The following BCR variants were observed in gnomAD, a reference collection of about 807,000 sequenced individuals.
BCR encodes BCR activator of RhoGEF and GTPase, also known as breakpoint cluster region protein.
BCR carries 58 observed loss-of-function variants against 138.6 expected under a neutral mutation model. The ratio of observed to expected loss-of-function variants is 0.42; its 90% CI spans 0.34 to 0.52. The LOEUF is 0.52. Ranked by LOEUF, BCR falls within the 20% of genes least tolerant of loss-of-function variation. The pLI is 0.06. For synonymous variants in BCR, 786 were observed against 730.1 expected (o/e 1.08, Z -1.23); for missense variants, 1,599 against 1,727.2 (o/e 0.93, Z 1.32).
chr22:23,219,507 G>A (rs2072797891), intron 1 of BCR, among the ~76,000 whole-genome samples: 2 of 152,144 alleles, frequency 1.3e-5, no homozygotes, highest in Admixed American at 1.3e-4. Flanking sequence ...CTATTGCATG[G>A]CCAGATTCAT....
chr22:23,209,086 G>A (rs188969873), intron 1 of BCR, among the ~76,000 whole-genome samples: 12 of 151,954 alleles, frequency 7.9e-5, no homozygotes, highest in East Asian at 5.9e-4. Context: ...TTAGCCGGGC[G>A]CGGTGGCTCA....
At chr22:23,192,847 TAC>T (rs2072432153) in intron 1 of BCR, among the ~76,000 whole-genome samples, 1 of 152,106 alleles carries the variant, frequency 6.6e-6, no homozygotes, top group South Asian at 2.1e-4. Flanking sequence ...GTAGCGGAGA[TAC>T]ACAGAGGTAG....
chr22:23,227,115 C>T (rs939614967), intron 1 of BCR, among the ~76,000 whole-genome samples: 4 of 152,056 alleles, frequency 2.6e-5, no homozygotes, highest in African/African-American at 7.3e-5. Context: ...CCTGACAAGC[C>T]GAATGATTGA....
chr22:23,241,082 G>C (rs1344923502), intron 1 of BCR, among the ~76,000 whole-genome samples: 2 of 152,212 alleles, frequency 1.3e-5, no homozygotes, highest in Non-Finnish European at 2.9e-5. Context: ...CTCATGCATT[G>C]ATGGATGCTA....
In BCR at chr22:23,287,151, C is replaced by T; in HGVS notation, c.2407-8C>T. ...ATGGGAAGGTGAGGCTGTGGCATCT[C>T]CCCACAGAGGGCGAACAAGGGCAGC... On this transcript the variant is annotated splice_region_variant and splice_polypyrimidine_tract_variant and intron_variant, in intron 10 of 22. Transcript: ENST00000305877. 2 of 1,576,308 alleles carry T rather than the reference C, an allele frequency of 1.3e-6. No homozygotes were observed. The highest frequency in any genetic ancestry group is 1.7e-6 in the Non-Finnish European group (2 of 1,160,280).
intron 1 of BCR, among the ~76,000 whole-genome samples, chr22:23,246,341 G>A (rs2073156677): frequency 6.6e-6 from 1 of 152,220 alleles, no homozygotes; most frequent in African/African-American, 2.4e-5. Flanking sequence ...GCTCAGGCAG[G>A]AGATCACGTG....
intron 1 of BCR, chr22:23,242,953 C>T (rs1405312830): frequency 1.6e-5 from 7 of 450,640 alleles, no homozygotes; most frequent in South Asian, 1.1e-4. Flanking sequence ...CAACATCTCT[C>T]CAGTCCCTGC....
At chr22:23,231,237 T>C (rs986148541) in intron 1 of BCR, among the ~76,000 whole-genome samples, 1 of 152,072 alleles carries the variant, frequency 6.6e-6, no homozygotes, top group African/African-American at 2.4e-5. Flanking sequence ...GACCAGGGCA[T>C]GGTGGCTTGC....
At chr22:23,276,563 G>A (rs563590904) in intron 8 of BCR, among the ~76,000 whole-genome samples, 3 of 152,332 alleles carry the variant, frequency 2.0e-5, no homozygotes, top group Admixed American at 2.0e-4. Flanking sequence ...AATGACTCTA[G>A]AAAAGTCACC....
At chr22:23,280,051 G>C (rs2073625566) in intron 8 of BCR, among the ~76,000 whole-genome samples, 1 of 150,482 alleles carries the variant, frequency 6.6e-6, no homozygotes. Flanking sequence ...CCATCACATG[G>C]ATTCCACCGC....
Position 23,260,811 on chromosome 22 carries a change from C to T in BCR, c.1462-139C>T, listed in dbSNP as rs975413358. On this transcript the variant is annotated intron_variant, in intron 2 of 22. Transcript: ENST00000305877. ...TATGTGCGGAGGGTCCCCTGCCTCC[C>T]TTTAATTCCATGTGGAGCCTTTGTG... 3.7e-5 allele frequency: 30 copies of T among 807,574 alleles called. No homozygotes were observed. In the African/African-American group the frequency reaches 4.6e-4, roughly 12 times the overall value. The allele number at this position is 807,574 out of a possible 1,614,324, so 50.0% of individuals were successfully genotyped here.
At chr22:23,253,549 C>A (rs1449882656) in intron 1 of BCR, among the ~76,000 whole-genome samples, 2 of 152,226 alleles carry the variant, frequency 1.3e-5, no homozygotes, top group Non-Finnish European at 2.9e-5. Context: ...TCTTAAGTCA[C>A]AACCCCCTGC....
At chr22:23,288,578 C>T (rs1261124610) in intron 12 of BCR, among the ~76,000 whole-genome samples, 2 of 152,134 alleles carry the variant, frequency 1.3e-5, no homozygotes, top group African/African-American at 2.4e-5. Flanking sequence ...TTGGCCTCCC[C>T]CATTTCTCCT....
intron 1 of BCR, among the ~76,000 whole-genome samples, chr22:23,196,624 CTG>C (rs2072486338): frequency 6.6e-6 from 1 of 152,086 alleles, no homozygotes; most frequent in African/African-American, 2.4e-5. Flanking sequence ...TTTCCACAGA[CTG>C]GGGGTTAGGG....
chr22:23,214,900 G>C (rs1297270876), intron 1 of BCR, among the ~76,000 whole-genome samples: 1 of 152,004 alleles, frequency 6.6e-6, no homozygotes, highest in African/African-American at 2.4e-5. Context: ...GATGGTGTTG[G>C]GCAACCATCA....
chr22:23,294,304 G>A (rs1028629546), intron 15 of BCR, among the ~76,000 whole-genome samples: 11 of 152,162 alleles, frequency 7.2e-5, no homozygotes, highest in South Asian at 6.2e-4. Flanking sequence ...TCTGACAAAC[G>A]TGGAATGACG....
chr22:23,292,572 T>C lies in BCR; in HGVS notation c.2814T>C (p.Phe938=). 6.2e-7 allele frequency: 1 copy of C among 1,613,628 alleles called. No homozygotes were observed. The highest frequency in any genetic ancestry group is 8.5e-7 in the Non-Finnish European group (1 of 1,179,688). ...NLYCTLEVDS[F]GYFVNKAKTR... is the part of the protein sequence containing the mutation. ...ACTGCACCCTGGAGGTGGATTCCTT[T>C]GGGTATTTTGTGAATAAAGCAAAGA... The change falls in exon 15 of 23, where the codon TTT becomes TTC. Residue 938 remains phenylalanine, a synonymous_variant. Coordinates refer to ENST00000305877, the MANE Select transcript of BCR (RefSeq NM_004327.4).
At chr22:23,305,976 G>T (rs1221854478) in intron 16 of BCR, among the ~76,000 whole-genome samples, 2 of 152,198 alleles carry the variant, frequency 1.3e-5, no homozygotes, top group East Asian at 3.9e-4. Flanking sequence ...TTAAATAACT[G>T]CACGAGAGAG....
At chr22:23,196,123 A>G (rs1271949714) in intron 1 of BCR, among the ~76,000 whole-genome samples, 1 of 152,184 alleles carries the variant, frequency 6.6e-6, no homozygotes, top group African/African-American at 2.4e-5. Flanking sequence ...GTACCATCTC[A>G]ACCACTTCTC....
Sources: allele counts gnomAD v4.1 joint callset (sites outside exome capture counted in the v4.1 genomes callset), GRCh38; gene constraint gnomAD v4.1.1; transcripts MANE v1.5; gene names NCBI Gene and HGNC (gene_info 2026-07-23, HGNC 2026-07-21).